Variants in TMOD1 observed in about 807,000 individuals in gnomAD.
The protein encoded by TMOD1 is tropomodulin-1.
TMOD1 carries 17 observed loss-of-function variants against 40.6 expected under a neutral mutation model. That is an observed-to-expected ratio of 0.42 (90% CI 0.29 to 0.63). TMOD1 has a LOEUF of 0.63. Among genes scored for constraint, TMOD1 ranks in the 20% least tolerant of loss-of-function variants. The pLI, the probability that TMOD1 is intolerant of heterozygous loss-of-function variation, is 0.22. For missense variants in TMOD1, 391 were observed against 447.6 expected, an observed-to-expected ratio of 0.87 and a Z score of 1.14; for synonymous variants, 181 against 175.0, an observed-to-expected ratio of 1.03 and a Z score of -0.27.
At chr9:97,518,816 T>C (rs1829869705) in intron 1 of TMOD1, among the ~76,000 whole-genome samples, 1 of 152,152 alleles carries the variant, frequency 6.6e-6, no homozygotes, top group Non-Finnish European at 1.5e-5. Context: ...GTAGATGGCA[T>C]TGTCTTGGGA....
intron 1 of TMOD1, among the ~76,000 whole-genome samples, chr9:97,510,527 G>C (rs987426547): frequency 6.6e-6 from 1 of 152,150 alleles, no homozygotes; most frequent in Admixed American, 6.5e-5. Flanking sequence ...CACCACACCC[G>C]GTCTACAGGT....
intron 4 of TMOD1, among the ~76,000 whole-genome samples, chr9:97,556,035 A>G (rs1213210522): frequency 6.6e-6 from 1 of 151,910 alleles, no homozygotes. Flanking sequence ...TGCCACACCA[A>G]GGAGATGAAA....
intron 7 of TMOD1, among the ~76,000 whole-genome samples, chr9:97,566,983 T>G (rs985126263): frequency 6.6e-6 from 1 of 152,356 alleles, no homozygotes; most frequent in East Asian, 1.9e-4. Context: ...GTGCAATTAC[T>G]GCAAAGCTAG....
At chr9:97,517,581 A>G (rs1308974876) in intron 1 of TMOD1, among the ~76,000 whole-genome samples, 1 of 152,186 alleles carries the variant, frequency 6.6e-6, no homozygotes, top group South Asian at 2.1e-4. Flanking sequence ...GCAGGGGCTC[A>G]GGAAGGGGCC....
intron 1 of TMOD1, among the ~76,000 whole-genome samples, chr9:97,504,329 G>A (rs1829555319): frequency 6.6e-6 from 1 of 152,164 alleles, no homozygotes; most frequent in African/African-American, 2.4e-5. Context: ...TCTTCAGGCT[G>A]TAGGCTGAAG....
At chr9:97,537,696 A>G (rs1830205913) in intron 2 of TMOD1, among the ~76,000 whole-genome samples, 1 of 152,346 alleles carries the variant, frequency 6.6e-6, no homozygotes, top group East Asian at 1.9e-4. Context: ...AAAGTTGCCT[A>G]ATTTCCACCT....
At chr9:97,559,790 AAAAAATATATAT>A (rs1265235727) in intron 4 of TMOD1, among the ~76,000 whole-genome samples, 2 of 44,074 alleles carry the variant, frequency 4.5e-5, no homozygotes, top group African/African-American at 2.0e-4. Flanking sequence ...AAAAAAAAAA[AAAAAATATATAT>A]ATATATATAT....
rs911338190 is a variant in TMOD1, at chr9:97,502,854, G to T, written c.-49+1051G>T. Among the ~76,000 whole-genome samples the T allele has an allele frequency of 3.3e-5, 5 of 152,222 alleles. No homozygotes were observed. The highest frequency in any genetic ancestry group is 7.3e-5 in the Non-Finnish European group (5 of 68,034). On this transcript the variant is annotated intron_variant, in intron 1 of 9. Transcript: ENST00000259365. The surrounding 1 kb of genome is among the most constrained non-coding windows in gnomAD (Gnocchi z 6.1). The stretch of plus-strand genomic sequence containing the variant: ...ATGCGATGAGCTGGGCAGGGGCAGT[G>T]GTTCCAGTACAGCCGCTCCCTGGCC...
At chr9:97,594,195 A>G (rs796168489) in intron 9 of TMOD1, among the ~76,000 whole-genome samples, 10 of 152,266 alleles carry the variant, frequency 6.6e-5, no homozygotes, top group African/African-American at 2.2e-4. Context: ...GGGGTTTCCT[A>G]CAGAAGGAAT....
At chr9:97,523,069 C>G (rs1477008887) in intron 1 of TMOD1, among the ~76,000 whole-genome samples, 1 of 151,938 alleles carries the variant, frequency 6.6e-6, no homozygotes, top group Non-Finnish European at 1.5e-5. Flanking sequence ...AGTTTTTTCA[C>G]TAATAAAAAT....
At chr9:97,577,293 AAC>A (rs1825633992) in intron 8 of TMOD1, among the ~76,000 whole-genome samples, 1 of 150,950 alleles carries the variant, frequency 6.6e-6, no homozygotes, top group African/African-American at 2.5e-5. Context: ...TGCTGAGCCA[AAC>A]ACCATCTGCG....
intron 2 of TMOD1, among the ~76,000 whole-genome samples, chr9:97,541,043 G>A (rs979635998): frequency 6.6e-6 from 1 of 152,100 alleles, no homozygotes; most frequent in African/African-American, 2.4e-5. Context: ...CCTGCTGGCT[G>A]TGAAATGGTA....
intron 2 of TMOD1, among the ~76,000 whole-genome samples, chr9:97,536,919 T>A (rs1415728055): frequency 6.6e-6 from 1 of 152,150 alleles, no homozygotes; most frequent in Non-Finnish European, 1.5e-5. Flanking sequence ...AAATTCCTTG[T>A]TTTTTTGTCA....
At chr9:97,550,083 T>C (rs1830425914) in intron 3 of TMOD1, among the ~76,000 whole-genome samples, 1 of 152,234 alleles carries the variant, frequency 6.6e-6, no homozygotes, top group Non-Finnish European at 1.5e-5. Context: ...GTACCACCAA[T>C]CTGTATCTAT....
chr9:97,530,874 G>A lies in TMOD1; in HGVS notation c.120+6566G>A, dbSNP rs563839031. Among the ~76,000 whole-genome samples the A allele has an allele frequency of 8.8e-5, 12 of 136,770 alleles. No individual in the cohort carries two copies. In the East Asian group the frequency reaches 1.4e-3, roughly 16 times the overall value. 89.7% of individuals were successfully genotyped at this position (136,770 alleles called of 152,430 possible). A position where few individuals can be genotyped will look rare whatever the true frequency, so the allele number is the denominator to read the frequency against. ...GTGATCTCGGCTCATTGTGACTTCC[G>A]CCTCCTAGGTTCAAGTGATTCTCCT... On this transcript the variant is annotated intron_variant, in intron 2 of 9. Transcript: ENST00000259365.
intron 8 of TMOD1, among the ~76,000 whole-genome samples, chr9:97,571,641 T>C (rs1830819786): frequency 6.6e-6 from 1 of 152,232 alleles, no homozygotes; most frequent in Admixed American, 6.5e-5. Flanking sequence ...GTATCACAGA[T>C]GAGGAAACGG....
intron 8 of TMOD1, among the ~76,000 whole-genome samples, chr9:97,569,670 G>A (rs2131270753): frequency 6.6e-6 from 1 of 152,312 alleles, no homozygotes. Context: ...TACATGTGTT[G>A]AGAGTGTACT....
At chr9:97,530,061 A>AC (rs1338098579) in intron 2 of TMOD1, among the ~76,000 whole-genome samples, 1 of 152,220 alleles carries the variant, frequency 6.6e-6, no homozygotes, top group Admixed American at 6.5e-5. Context: ...TGTGCTGTTA[A>AC]CCCTGGGAGC....
chr9:97,521,871 T>C (rs1156270498), intron 1 of TMOD1, among the ~76,000 whole-genome samples: 1 of 152,250 alleles, frequency 6.6e-6, no homozygotes, highest in East Asian at 1.9e-4. Context: ...CAGAGACTTT[T>C]TCTGTTAGCT....
Sources: gnomAD v4.1 joint callset for allele counts (sites outside exome capture counted in the v4.1 genomes callset) on GRCh38, gnomAD v4.1.1 for gene constraint, Gnocchi (gnomAD v3.1) non-coding constraint, MANE v1.5 for transcripts, NCBI Gene and HGNC (gene_info 2026-07-23, HGNC 2026-07-21) for gene names.